Variants in SI observed in about 807,000 individuals in gnomAD.
SI encodes sucrase-isomaltase, intestinal.
A neutral mutation model predicts 253.3 loss-of-function variants in SI; 235 were observed. The ratio of observed to expected loss-of-function variants is 0.93; its 90% confidence interval spans 0.83 to 1.03. SI has a LOEUF of 1.03. SI is among the 50% of genes least tolerant of loss of function. The pLI is 0.00. For synonymous variants in SI, 819 were observed against 712.0 expected, an observed-to-expected ratio of 1.15 and a Z score of -2.39; for missense variants, 2,442 against 2,211.1, an observed-to-expected ratio of 1.10 and a Z score of -2.09.
At chr3:164,984,862 G>C (rs554012512) in intron 45 of SI, among the ~76,000 whole-genome samples, 268 of 152,190 alleles carry the variant, frequency 1.8e-3, no homozygotes, top group Non-Finnish European at 3.0e-3. Context: ...TTTGCTGTGA[G>C]AGAAAACCTC....
At chr3:165,012,937 T>G (rs1412564923) in intron 34 of SI, 43 bp downstream of exon 34, 6 of 1,229,398 alleles carry the variant, frequency 4.9e-6, no homozygotes. Flanking sequence ...AGTCTAAGTT[T>G]TGAATTTCTT....
intron 3 of SI, among the ~76,000 whole-genome samples, chr3:165,071,082 A>C (rs1397366600): frequency 6.6e-6 from 1 of 152,120 alleles, no homozygotes; most frequent in Admixed American, 6.6e-5. Flanking sequence ...CGCAAGGCCC[A>C]AATTAATTTA....
intron 44 of SI, among the ~76,000 whole-genome samples, chr3:164,989,087 A>G (rs1332563977): frequency 7.0e-6 from 1 of 142,906 alleles, no homozygotes; most frequent in Non-Finnish European, 1.5e-5. Context: ...AAGTATAATA[A>G]TAATAAATAA....
intron 13 of SI, among the ~76,000 whole-genome samples, chr3:165,054,928 C>T (rs1426415767): frequency 6.6e-6 from 1 of 152,036 alleles, no homozygotes; most frequent in Non-Finnish European, 1.5e-5. Flanking sequence ...CATAAAGGAA[C>T]AAAACCTTGC....
In SI at chr3:165,074,562, A is replaced by G. The variant is rs761377943; in HGVS notation, c.224T>C (p.Ile75Thr). ...TGGGAATTGTTCTGGAATGCAGTTT[A>G]TTCTCACATTGACAGGATCATTTAA... ...NVLNDPVNVR[I>T]NCIPEQFPTE... The change falls in exon 3 of 48, where the codon ATA becomes ACA. Residue 75 changes from isoleucine to threonine, a missense_variant. Ile to Thr is a moderately conservative substitution (Grantham distance 89). Coordinates refer to ENST00000264382, the MANE Select transcript of SI (RefSeq NM_001041.4). 2 of 1,609,420 alleles carry G rather than the reference A, an allele frequency of 1.2e-6. No individual in the cohort carries two copies. Among genetic ancestry groups the G allele is most frequent in the Non-Finnish European group, 1.7e-6 (2 of 1,177,148 alleles).
At chr3:165,038,484 C>A (rs944454955) in intron 20 of SI, among the ~76,000 whole-genome samples, 1 of 149,752 alleles carries the variant, frequency 6.7e-6, no homozygotes, top group African/African-American at 2.5e-5. Flanking sequence ...CCATGGCGGG[C>A]GGATCACAAG....
At position 164,979,432 on chromosome 3, in the gene SI, T is replaced by TA. The variant is rs1462571509; in HGVS notation, c.5416-3dup. 1 of 1,440,548 alleles carries TA rather than the reference T, an allele frequency of 6.9e-7. No individual in the cohort carries two copies. The highest frequency in any genetic ancestry group is 9.8e-7 in the Non-Finnish European group (1 of 1,025,038). The allele number at this position is 1,440,548 out of a possible 1,614,324, so 89.2% of individuals were successfully genotyped here. A position where few individuals can be genotyped will look rare whatever the true frequency, so the allele number is the denominator to read the frequency against. On this transcript the variant is annotated splice_region_variant and splice_polypyrimidine_tract_variant and intron_variant, in intron 47 of 47. Coordinates refer to ENST00000264382, the MANE Select transcript of SI (RefSeq NM_001041.4). Reference sequence around the variant, plus strand: ...TGTGGTCAGATCAATACGTAATATCTAAAAAAGTAAAATAATAATTAGTTG... The same window carrying TA: ...TGTGGTCAGATCAATACGTAATATCTAAAAAAAGTAAAATAATAATTAGTTG...
intron 7 of SI, among the ~76,000 whole-genome samples, chr3:165,064,948 C>A (rs570344811): frequency 6.6e-6 from 1 of 151,864 alleles, no homozygotes; most frequent in Admixed American, 6.6e-5. Context: ...TATTCTAGTG[C>A]AATAGCTAGC....
chr3:165,056,468 A>G (rs917178109), intron 12 of SI, among the ~76,000 whole-genome samples: 4 of 152,232 alleles, frequency 2.6e-5, no homozygotes, highest in Non-Finnish European at 4.4e-5. Context: ...TGATCACAGT[A>G]CCTGATTTTA....
At position 165,009,273 on chromosome 3, in the gene SI, A is replaced by C. The variant is rs1325806640; in HGVS notation, c.4179+6T>G. ...TTAAAACATAGATTGTTCAAAGCTT[A>C]CTTACAATCCACAAACCATCAAACT... On this transcript the variant is annotated splice_donor_region_variant and intron_variant, in intron 35 of 47. Transcript: ENST00000264382. 1.3e-6 allele frequency: 2 copies of C among 1,542,472 alleles called. No homozygotes were observed. The highest frequency in any genetic ancestry group is 2.2e-5 in the South Asian group (2 of 89,706).
At chr3:165,001,572 G>A (rs563416168) in intron 37 of SI, among the ~76,000 whole-genome samples, 2 of 151,480 alleles carry the variant, frequency 1.3e-5, no homozygotes, top group African/African-American at 4.8e-5. Flanking sequence ...ACTATATCAT[G>A]GAAAGAGTTT....
chr3:165,079,866 A>T (rs748962164), upstream of SI, among the ~76,000 whole-genome samples: 1 of 151,886 alleles, frequency 6.6e-6, no homozygotes, highest in Admixed American at 6.6e-5. Context: ...TTGATGAAAA[A>T]GTTAAAGATT....
At position 165,027,301 on chromosome 3, in the gene SI, T is replaced by A. The variant is rs187548787; in HGVS notation, c.2892+3411A>T. 2.9e-4 allele frequency among the ~76,000 whole-genome samples: 44 copies of A among 151,208 alleles called. No individual in the cohort carries two copies. In the East Asian group the frequency reaches 8.4e-3, roughly 29 times the overall value. On this transcript the variant is annotated intron_variant, in intron 25 of 47. Transcript: ENST00000264382. ...GCAGATCAATAACAAGAAGTGAGATTAAAATGGTAATAAAAATTACCAAGA... is the reference window on the plus strand; with the variant it reads ...GCAGATCAATAACAAGAAGTGAGATAAAAATGGTAATAAAAATTACCAAGA...
At chr3:164,995,824 G>T (rs1717983167) in intron 40 of SI, among the ~76,000 whole-genome samples, 1 of 151,582 alleles carries the variant, frequency 6.6e-6, no homozygotes, top group Non-Finnish European at 1.5e-5. Context: ...CATATAAAAT[G>T]GTCTATTATT....
intron 8 of SI, 30 bp downstream of exon 8, chr3:165,063,412 T>C (rs1560014448): frequency 1.0e-6 from 1 of 995,282 alleles, no homozygotes; most frequent in Non-Finnish European, 1.6e-6. Context: ...GTGAAATCTA[T>C]AAATATATTA....
chr3:165,057,926 A>T (rs142740381), intron 12 of SI, among the ~76,000 whole-genome samples: 230 of 152,086 alleles, frequency 1.5e-3, no homozygotes, highest in African/African-American at 5.2e-3. Context: ...CTTTATTATA[A>T]ACTAAGTGGA....
chr3:165,053,294 A>G (rs1713524641), intron 13 of SI, among the ~76,000 whole-genome samples: 1 of 152,138 alleles, frequency 6.6e-6, no homozygotes. Context: ...ATTCACAAAT[A>G]TTAGCATGGA....
intron 12 of SI, among the ~76,000 whole-genome samples, chr3:165,055,745 T>C (rs1713666374): frequency 6.6e-6 from 1 of 152,094 alleles, no homozygotes. Flanking sequence ...AACATGAATA[T>C]GATACATACT....
intron 3 of SI, among the ~76,000 whole-genome samples, chr3:165,070,358 A>ATG (rs1412534512): frequency 1.8e-4 from 26 of 142,734 alleles, no homozygotes; most frequent in South Asian, 4.3e-4. Context: ...ATATATATAT[A>ATG]TATATATGTG....
Sources: gnomAD v4.1 joint callset for allele counts (sites outside exome capture counted in the v4.1 genomes callset) on GRCh38, gnomAD v4.1.1 for gene constraint, MANE v1.5 for transcripts, NCBI Gene and HGNC (gene_info 2026-07-23, HGNC 2026-07-21) for gene names.